The following SGCE variants were observed in gnomAD, a reference collection of about 807,000 sequenced individuals.
SGCE encodes epsilon-sarcoglycan.
SGCE carries 26 observed loss-of-function variants against 57.8 expected under a neutral mutation model. That is an observed-to-expected ratio of 0.45 (90% CI 0.33 to 0.62). The LOEUF (loss-of-function observed/expected upper bound fraction) is 0.62, where lower values mean the gene tolerates loss of function less well. SGCE is among the 20% of genes least tolerant of loss of function. The pLI is 0.02. For synonymous variants in SGCE, 183 were observed against 189.5 expected, an observed-to-expected ratio of 0.97 and a Z score of 0.28; for missense variants, 468 against 548.6, an observed-to-expected ratio of 0.85 and a Z score of 1.47.
intron 5 of SGCE, among the ~76,000 whole-genome samples, chr7:94,608,796 A>G (rs1365416131): frequency 2.0e-5 from 3 of 152,252 alleles, no homozygotes; most frequent in African/African-American, 7.2e-5. Context: ...ATCTGTGGCA[A>G]AGGAGCAAAG....
At chr7:94,603,226 G>C in intron 6 of SGCE, 64 bp downstream of exon 6, 1 of 1,341,196 alleles carries the variant, frequency 7.5e-7, no homozygotes, top group Non-Finnish European at 1.1e-6. Flanking sequence ...TCAGGTTTTA[G>C]TCAAACGTTA....
intron 4 of SGCE, chr7:94,620,269 G>C: frequency 6.6e-6 from 1 of 152,010 alleles, no homozygotes; most frequent in East Asian, 1.9e-4. Context: ...ATTTTCAACA[G>C]AGTTTTCTAG....
At chr7:94,655,674 G>C (rs961943806) in intron 1 of SGCE, among the ~76,000 whole-genome samples, 1 of 152,002 alleles carries the variant, frequency 6.6e-6, no homozygotes, top group Admixed American at 6.5e-5. Context: ...ATCGGGAGAG[G>C]ACTACCCTGG....
chr7:94,589,305 A>G (rs1455830130), intron 9 of SGCE: 1 of 156,330 alleles, frequency 6.4e-6, no homozygotes, highest in African/African-American at 2.4e-5. Flanking sequence ...TCACTTAGGG[A>G]CTTTTGACAT....
At position 94,635,928 on chromosome 7, in the gene SGCE, G is replaced by GT. The variant is rs553327103; in HGVS notation, c.110-6088dup. ...ATTCATCTGGCATTGGCCAGCTATT[G>GT]TTTTTTTTTCAGTCACAGATAGTCC... On this transcript the variant is annotated intron_variant, in intron 1 of 10. Coordinates refer to ENST00000648936, the MANE Select transcript of SGCE (RefSeq NM_003919.3). Among the ~76,000 whole-genome samples the GT allele has an allele frequency of 3.6e-3, 535 of 149,762 alleles. 3 individuals are homozygous for GT. Among genetic ancestry groups the GT allele is most frequent in the African/African-American group, 0.012 (483 of 40,802 alleles).
intron 5 of SGCE, among the ~76,000 whole-genome samples, chr7:94,608,566 A>G (rs1387855920): frequency 1.3e-5 from 2 of 152,234 alleles, no homozygotes; most frequent in Non-Finnish European, 2.9e-5. Flanking sequence ...GATATTAACA[A>G]ACTTATTCTA....
chr7:94,638,344 G>T (rs1441070010), intron 1 of SGCE, among the ~76,000 whole-genome samples: 1 of 152,094 alleles, frequency 6.6e-6, no homozygotes, highest in African/African-American at 2.4e-5. Flanking sequence ...GAGATCTGGG[G>T]GTAGAAGTGT....
chr7:94,629,429 G>A, intron 2 of SGCE: 1 of 313,666 alleles, frequency 3.2e-6, no homozygotes, highest in South Asian at 3.2e-5. Context: ...AAAATCATAA[G>A]TTTACAGCTA....
chr7:94,588,958 A>G, intron 9 of SGCE: 3 of 553,868 alleles, frequency 5.4e-6, no homozygotes, highest in East Asian at 6.4e-5. Flanking sequence ...ACTGCGGGCT[A>G]TACTCTAAAG....
chr7:94,628,065 G>A (rs986630634), intron 3 of SGCE, 137 bp downstream of exon 3: 1 of 663,770 alleles, frequency 1.5e-6, no homozygotes, highest in African/African-American at 1.8e-5. Flanking sequence ...TATCTACTGT[G>A]TTTCCATGCA....
intron 1 of SGCE, among the ~76,000 whole-genome samples, chr7:94,654,754 T>G (rs1368712997): frequency 6.6e-6 from 1 of 152,238 alleles, no homozygotes; most frequent in Non-Finnish European, 1.5e-5. Context: ...CTTATTGATA[T>G]TCCAAGTATA....
At chr7:94,630,122 G>C (rs941437840) in intron 1 of SGCE, among the ~76,000 whole-genome samples, 3 of 151,882 alleles carry the variant, frequency 2.0e-5, no homozygotes, top group African/African-American at 7.2e-5. Context: ...ATCAAATAAT[G>C]AAGCTATCCA....
At chr7:94,633,123 C>G (rs1392870565) in intron 1 of SGCE, among the ~76,000 whole-genome samples, 1 of 151,976 alleles carries the variant, frequency 6.6e-6, no homozygotes, top group Non-Finnish European at 1.5e-5. Flanking sequence ...CTCTGTGTAT[C>G]GCATGGTTTT....
At chr7:94,623,630 G>T in intron 3 of SGCE, 1 of 499,350 alleles carries the variant, frequency 2.0e-6, no homozygotes, top group South Asian at 3.8e-5. Flanking sequence ...GTTAAAATCA[G>T]AAAGACTCTT....
At chr7:94,586,076 A>AAAAAAAAAAAAAAAAAAAAT (rs1796861707) in intron 10 of SGCE, among the ~76,000 whole-genome samples, 1 of 150,256 alleles carries the variant, frequency 6.7e-6, no homozygotes, top group African/African-American at 2.4e-5. Context: ...AAAAAAAAAA[A>AAAAAAAAAAAAAAAAAAAAT]AAAAAAAAAA....
intron 5 of SGCE, among the ~76,000 whole-genome samples, chr7:94,605,654 G>A (rs1800001633): frequency 6.6e-6 from 1 of 151,866 alleles, no homozygotes; most frequent in Non-Finnish European, 1.5e-5. Context: ...AAGACAATCA[G>A]TAAAAGACAG....
chr7:94,625,259 A>G (rs1429619149), intron 3 of SGCE: 1 of 152,054 alleles, frequency 6.6e-6, no homozygotes, highest in Non-Finnish European at 1.5e-5. Context: ...TCTTGACTAA[A>G]TAGAATATTT....
intron 3 of SGCE, chr7:94,624,227 A>G (rs1309653173): frequency 7.5e-6 from 3 of 398,004 alleles, no homozygotes; most frequent in Non-Finnish European, 1.3e-5. Context: ...ACCTTCTGGC[A>G]ATGATTGCAG....
intron 3 of SGCE, chr7:94,627,410 A>G (rs1803896231): frequency 6.6e-6 from 1 of 151,988 alleles, no homozygotes; most frequent in African/African-American, 2.4e-5. Flanking sequence ...TGGTAACATC[A>G]CCATCACTTC....
Sources: gnomAD v4.1 joint callset for allele counts (sites outside exome capture counted in the v4.1 genomes callset) on GRCh38, gnomAD v4.1.1 for gene constraint, MANE v1.5 for transcripts, NCBI Gene and HGNC (gene_info 2026-07-23, HGNC 2026-07-21) for gene names.